The following PARP12 variants were observed in gnomAD, a reference collection of about 807,000 sequenced individuals.
PARP12 encodes poly(ADP-ribose) polymerase family member 12, also known as protein mono-ADP-ribosyltransferase PARP12.
In PARP12, 59 loss-of-function variants were observed where a neutral mutation model predicts 72.4. The ratio of observed to expected loss-of-function variants is 0.81; its 90% CI spans 0.66 to 1.01. PARP12 has a LOEUF of 1.01. Among genes scored for constraint, PARP12 ranks in the 50% least tolerant of loss-of-function variants. PARP12 has a pLI of 0.00. For synonymous variants in PARP12, 403 were observed against 371.4 expected, an observed-to-expected ratio of 1.09 and a Z score of -0.98; for missense variants, 851 against 914.0, an observed-to-expected ratio of 0.93 and a Z score of 0.89.
At chr7:140,032,725 T>C (rs572789830) in intron 8 of PARP12, among the ~76,000 whole-genome samples, 2 of 152,292 alleles carry the variant, frequency 1.3e-5, no homozygotes, top group South Asian at 2.1e-4. Flanking sequence ...ACAGTATAGA[T>C]AGCATGTTCC....
intron 4 of PARP12, 63 bp from the exon 5 acceptor site, chr7:140,047,070 G>A (rs1460877463): frequency 4.6e-6 from 7 of 1,527,404 alleles, no homozygotes; most frequent in Admixed American, 2.0e-5. Flanking sequence ...TAGCCTTGTG[G>A]TTGTCAACAG....
intron 3 of PARP12, among the ~76,000 whole-genome samples, chr7:140,055,019 T>C (rs7810536): frequency 0.53 from 80,941 of 152,040 alleles, 24,039 homozygotes; most frequent in African/African-American, 0.8. Context: ...TCGCTGTCCA[T>C]TCAATTCACT....
chr7:140,047,460 AT>A (rs1398473083), intron 4 of PARP12, among the ~76,000 whole-genome samples: 2 of 152,206 alleles, frequency 1.3e-5, no homozygotes, highest in Non-Finnish European at 2.9e-5. Flanking sequence ...GAAGGCCCTC[AT>A]CAGATGCAGG....
At chr7:140,053,951 G>C (rs1817079445) in intron 4 of PARP12, among the ~76,000 whole-genome samples, 1 of 152,178 alleles carries the variant, frequency 6.6e-6, no homozygotes, top group Non-Finnish European at 1.5e-5. Context: ...GCTTCACTCT[G>C]TATTACTGAA....
At chr7:140,035,089 T>G (rs1816096991) in intron 7 of PARP12, among the ~76,000 whole-genome samples, 1 of 152,222 alleles carries the variant, frequency 6.6e-6, no homozygotes, top group Admixed American at 6.5e-5. Flanking sequence ...TTGTTTTCAT[T>G]TACAAAACAT....
At chr7:140,037,420 C>T (rs1816251192) in intron 7 of PARP12, among the ~76,000 whole-genome samples, 1 of 152,248 alleles carries the variant, frequency 6.6e-6, no homozygotes, top group Non-Finnish European at 1.5e-5. Context: ...TCAGGTTAGT[C>T]CTCGGATACA....
chr7:140,024,763 C>T lies in PARP12; in HGVS notation c.1903G>A (p.Val635Ile). The change falls in exon 12 of 12, where the codon GTC (valine) becomes ATC (isoleucine). Residue 635 changes from valine to isoleucine, a missense_variant. Transcript: ENST00000263549. ...GEFVRGNASF[V>I]RPPAKEGWSN... is the part of the protein sequence containing the mutation. The stretch of plus-strand genomic sequence containing the variant: ...CAGCCCTCCTTGGCCGGCGGACGGA[C>T]AAAGGAGGCATTGCCCCTGACGAAC... The T allele has an allele frequency of 6.2e-7, 1 of 1,614,174 alleles. No homozygotes were observed. Among genetic ancestry groups the T allele is most frequent in the Non-Finnish European group, 8.5e-7 (1 of 1,180,038 alleles).
Position 140,062,820 on chromosome 7 carries a change from C to T in PARP12, c.28G>A (p.Val10Ile), listed in dbSNP as rs1239866075. The change falls in exon 1 of 12, where the codon GTC becomes ATC. Residue 10 changes from valine (V) to isoleucine (I), a missense_variant. Around this residue, in one of 3 missense-constraint regions of PARP12, gnomAD observed 492 missense variants for 489.3 expected, o/e 1.01. Transcript: ENST00000263549. Reference sequence around the variant, plus strand: ...CCGGCCGCGCACAGCACCTGGGTGACCTCACCGACGACGCCGGCCTGGGCC... The same window carrying T: ...CCGGCCGCGCACAGCACCTGGGTGATCTCACCGACGACGCCGGCCTGGGCC... MAQAGVVGE[V>I]TQVLCAAGGA... The T allele has an allele frequency of 7.1e-7, 1 of 1,406,698 alleles. No homozygotes were observed. Among genetic ancestry groups the T allele is most frequent in the South Asian group, 1.4e-5 (1 of 70,436 alleles). 87.1% of individuals were successfully genotyped at this position (1,406,698 alleles called of 1,614,324 possible). A position where few individuals can be genotyped will look rare whatever the true frequency, so the allele number is the denominator to read the frequency against.
At chr7:140,043,075 T>C (rs1468243182) in intron 5 of PARP12, among the ~76,000 whole-genome samples, 3 of 152,114 alleles carry the variant, frequency 2.0e-5, no homozygotes, top group African/African-American at 7.2e-5. Flanking sequence ...GCACCTGTAG[T>C]CCCAGCTACT....
chr7:140,033,451 C>T (rs1816024534), intron 8 of PARP12: 1 of 985,308 alleles, frequency 1.0e-6, no homozygotes, highest in African/African-American at 1.7e-5. Context: ...AGTAACACTG[C>T]CTAAAGTCCC....
At chr7:140,040,641 G>C (rs1031732339) in intron 6 of PARP12, among the ~76,000 whole-genome samples, 9 of 152,212 alleles carry the variant, frequency 5.9e-5, no homozygotes, top group Admixed American at 6.5e-5. Context: ...CAGAGTTAAA[G>C]GGCATTCTGA....
chr7:140,036,281 A>G (rs1347076678), intron 7 of PARP12, among the ~76,000 whole-genome samples: 1 of 152,216 alleles, frequency 6.6e-6, no homozygotes, highest in Non-Finnish European at 1.5e-5. Context: ...GAAATATTCC[A>G]GATTGCTGTC....
At chr7:140,038,667 G>T (rs1256267438) in intron 6 of PARP12, among the ~76,000 whole-genome samples, 1 of 152,124 alleles carries the variant, frequency 6.6e-6, no homozygotes, top group Non-Finnish European at 1.5e-5. Flanking sequence ...TTAAATTTGA[G>T]ATTACACTGA....
At chr7:140,031,477 A>G (rs1815936224) in intron 8 of PARP12, among the ~76,000 whole-genome samples, 1 of 152,214 alleles carries the variant, frequency 6.6e-6, no homozygotes. Flanking sequence ...TAATTGTGTA[A>G]ACAGAAAAGT....
At chr7:140,027,201 G>C in intron 10 of PARP12, 75 bp downstream of exon 10, 12 of 1,557,368 alleles carry the variant, frequency 7.7e-6, no homozygotes, top group Non-Finnish European at 9.6e-6. Context: ...CTGGAAACCC[G>C]GGCCACATGT....
intron 5 of PARP12, among the ~76,000 whole-genome samples, chr7:140,045,026 TTTC>T (rs1816659171): frequency 6.6e-6 from 1 of 151,008 alleles, no homozygotes; most frequent in South Asian, 2.1e-4. Context: ...AGTGCATCTT[TTTC>T]TTTTTTTTTT....
At chr7:140,031,566 C>A (rs1451785393) in intron 8 of PARP12, among the ~76,000 whole-genome samples, 1 of 152,150 alleles carries the variant, frequency 6.6e-6, no homozygotes, top group East Asian at 1.9e-4. Flanking sequence ...GAGTTAATGA[C>A]AACCAGCTGC....
rs774606630 is a variant in PARP12, at chr7:140,026,299, G to A, written c.1678C>T (p.Arg560Trp). ...GCGCTGGTGCCGTGGAACAGCTGCC[G>A]CTCGTCCACGGCCTTCCCTCCGTTC... ...KQNGGKAVDERQLFHGTSAIF... is the reference protein window; with the variant it reads ...KQNGGKAVDEWQLFHGTSAIF... The change falls in exon 11 of 12, where the codon CGG (arginine) becomes TGG (tryptophan). Residue 560 changes from arginine (R) to tryptophan (W), a missense_variant. By Grantham distance (101) the Arg-to-Trp change is moderately radical. This residue lies in a region of PARP12 where 347 missense variants were observed against 396.1 expected (regional missense o/e 0.88). Transcript: ENST00000263549. The A allele has an allele frequency of 3.9e-5, 63 of 1,613,054 alleles. No individual in the cohort carries two copies. Among genetic ancestry groups the A allele is most frequent in the Middle Eastern group, 1.6e-4 (1 of 6,082 alleles).
Position 140,027,311 on chromosome 7 carries a change from T to C in PARP12, c.1593A>G (p.Arg531=). Reference sequence around the variant, plus strand: ...CTTCCCAGAGGGCCAGGTTCTGTACTCGCTCAATCTTCTGAACAAAGTAGA... The same window carrying C: ...CTTCCCAGAGGGCCAGGTTCTGTACCCGCTCAATCTTCTGAACAAAGTAGA... The part of the protein sequence containing the change: ...LPFYFVQKIE[R]VQNLALWEVY... Residue 531 remains arginine, a synonymous_variant, in exon 10 of 12, where the codon CGA becomes CGG. Coordinates refer to ENST00000263549, the MANE Select transcript of PARP12 (RefSeq NM_022750.4). 1 of 1,613,930 alleles carries C rather than the reference T, an allele frequency of 6.2e-7. No individual in the cohort carries two copies. The highest frequency in any genetic ancestry group is 8.5e-7 in the Non-Finnish European group (1 of 1,179,970).
Sources: gnomAD v4.1 joint callset for allele counts (sites outside exome capture counted in the v4.1 genomes callset) on GRCh38, gnomAD v4.1.1 for gene constraint, gnomAD v4.1.1 regional missense constraint, MANE v1.5 for transcripts, NCBI Gene and HGNC (gene_info 2026-07-23, HGNC 2026-07-21) for gene names.